The following CCDC88A variants were observed in gnomAD, a reference collection of about 807,000 sequenced individuals.
CCDC88A encodes the protein girdin.
A neutral mutation model predicts 234.3 loss-of-function variants in CCDC88A; 54 were observed. The observed-to-expected ratio is 0.23, with a 90% CI of 0.19 to 0.29. CCDC88A has a LOEUF of 0.29. Ranked by LOEUF, CCDC88A falls within the 10% of genes least tolerant of loss-of-function variation. The pLI is 1.00. For missense variants in CCDC88A, 1,832 were observed against 2,123.4 expected (o/e 0.86, Z 2.70); for synonymous variants, 753 against 737.8 (o/e 1.02, Z -0.33).
intron 5 of CCDC88A, among the ~76,000 whole-genome samples, chr2:55,367,566 G>A (rs1311192344): frequency 3.2e-5 from 3 of 93,748 alleles, no homozygotes; most frequent in African/African-American, 1.3e-4. Flanking sequence ...ACGTTACCAG[G>A]CTGGAACACA....
intron 2 of CCDC88A, among the ~76,000 whole-genome samples, chr2:55,414,308 A>T (rs1343941562): frequency 6.6e-6 from 1 of 152,238 alleles, no homozygotes; most frequent in Non-Finnish European, 1.5e-5. Context: ...GTAATATTCA[A>T]AACTGGCTCC....
chr2:55,345,687 G>A (rs975053661), intron 10 of CCDC88A: 6 of 152,772 alleles, frequency 3.9e-5, no homozygotes, highest in African/African-American at 1.2e-4. Flanking sequence ...GTGAGCCACT[G>A]TGCCCAGCCT....
intron 2 of CCDC88A, chr2:55,418,175 T>A (rs564050917): frequency 6.6e-6 from 1 of 152,382 alleles, no homozygotes; most frequent in South Asian, 2.1e-4. Flanking sequence ...CGTTATCTAA[T>A]TGTTATCAAG....
At chr2:55,359,742 T>C (rs1671048101) in intron 7 of CCDC88A, among the ~76,000 whole-genome samples, 1 of 151,864 alleles carries the variant, frequency 6.6e-6, no homozygotes, top group African/African-American at 2.4e-5. Flanking sequence ...CAATCTTTGG[T>C]TCTTTTTTGA....
intron 26 of CCDC88A, among the ~76,000 whole-genome samples, 181 bp from the exon 27 acceptor site, chr2:55,302,253 A>C (rs539611504): frequency 2.0e-5 from 3 of 152,346 alleles, no homozygotes; most frequent in Admixed American, 1.3e-4. Flanking sequence ...AGTAGGCCAA[A>C]GGCTGATAAA....
intron 2 of CCDC88A, among the ~76,000 whole-genome samples, chr2:55,391,494 G>C (rs1676635678): frequency 6.6e-6 from 1 of 152,088 alleles, no homozygotes. Context: ...AAAAGATCAT[G>C]GAAATAACAG....
chr2:55,374,851 C>T lies in CCDC88A; in HGVS notation c.306G>A (p.Leu102=). Residue 102 remains leucine (L), a synonymous_variant, in exon 4 of 33, where the codon TTG becomes TTA. Transcript: ENST00000436346. ...TTTTGCCAATGATTAAGACATTTGG[C>T]AACGACATCATGATCAATTGCTGCA... is the stretch of plus-strand genomic sequence containing the variant. ...ETLQQLIMMS[L]PNVLIIGKNP... is the part of the protein sequence containing the mutation. The T allele has an allele frequency of 1.2e-6, 2 of 1,608,452 alleles. No homozygotes were observed. Among genetic ancestry groups the T allele is most frequent in the East Asian group, 2.2e-5 (1 of 44,710 alleles).
intron 2 of CCDC88A, among the ~76,000 whole-genome samples, chr2:55,390,199 T>C (rs144060748): frequency 6.6e-6 from 1 of 152,126 alleles, no homozygotes; most frequent in Non-Finnish European, 1.5e-5. Context: ...ATCTCTTTAA[T>C]GCGTGGTTTA....
intron 2 of CCDC88A, among the ~76,000 whole-genome samples, chr2:55,402,476 A>C (rs367850352): frequency 5.3e-5 from 8 of 152,318 alleles, no homozygotes; most frequent in African/African-American, 7.2e-5. Flanking sequence ...TGATATTACC[A>C]AAATTCAGTA....
intron 12 of CCDC88A, 75 bp downstream of exon 12, chr2:55,343,573 A>C: frequency 5.1e-6 from 6 of 1,166,856 alleles, no homozygotes; most frequent in Non-Finnish European, 7.3e-6. Context: ...ACTGCGGAAA[A>C]TAAAGAACTG....
chr2:55,327,273 CTATT>C (rs1558674309), intron 17 of CCDC88A, among the ~76,000 whole-genome samples: 2 of 152,034 alleles, frequency 1.3e-5, no homozygotes, highest in Non-Finnish European at 2.9e-5. Context: ...AAAAAAATGA[CTATT>C]TAGGAGAACT....
At chr2:55,324,794 C>T (rs1026137078) in intron 17 of CCDC88A, among the ~76,000 whole-genome samples, 1 of 152,114 alleles carries the variant, frequency 6.6e-6, no homozygotes, top group Non-Finnish European at 1.5e-5. Flanking sequence ...TACAGGTGTG[C>T]GCCACCACGC....
At chr2:55,333,197 C>T (rs1052107616) in intron 15 of CCDC88A, among the ~76,000 whole-genome samples, 1 of 152,146 alleles carries the variant, frequency 6.6e-6, no homozygotes, top group Non-Finnish European at 1.5e-5. Context: ...AGGTCCCTCT[C>T]AATGCTTCTT....
intron 3 of CCDC88A, among the ~76,000 whole-genome samples, chr2:55,385,438 A>G (rs547080556): frequency 1.3e-5 from 2 of 152,362 alleles, no homozygotes; most frequent in African/African-American, 2.4e-5. Flanking sequence ...CTTAATAAAT[A>G]AAAGTTTAAT....
chr2:55,370,439 T>C (rs113546078), intron 5 of CCDC88A, among the ~76,000 whole-genome samples: 4,944 of 151,750 alleles, frequency 0.033, 260 homozygotes, highest in African/African-American at 0.1. Context: ...GTCAGGGTTT[T>C]GAGACTAGCC....
At position 55,346,289 on chromosome 2, in the gene CCDC88A, T is replaced by G. The variant is rs746967523; in HGVS notation, c.927A>C (p.Arg309=). 2.5e-6 allele frequency: 4 copies of G among 1,609,422 alleles called. No homozygotes were observed. The highest frequency in any genetic ancestry group is 3.4e-6 in the Non-Finnish European group (4 of 1,177,076). Residue 309 remains arginine, a synonymous_variant, in exon 10 of 33, where the codon CGA becomes CGC. Coordinates refer to ENST00000436346, the MANE Select transcript of CCDC88A (RefSeq NM_001365480.1). The stretch of plus-strand genomic sequence containing the variant: ...TCTCTCGAAGTGCATCTAATTCATC[T>G]CGGTACATTCTGGCAGAGCGAGCAT... ...LSDARSARMY[R]DELDALREKA...
At chr2:55,391,757 GA>G (rs371568124) in intron 2 of CCDC88A, among the ~76,000 whole-genome samples, 469 of 152,224 alleles carry the variant, frequency 3.1e-3, no homozygotes, top group African/African-American at 0.011. Flanking sequence ...TGAAATGAAT[GA>G]ACAGAGACTA....
chr2:55,384,620 C>CACATATACGTATGTATGT (rs745974119), intron 3 of CCDC88A, among the ~76,000 whole-genome samples: 2 of 43,446 alleles, frequency 4.6e-5, no homozygotes, highest in African/African-American at 2.9e-4. Flanking sequence ...TGTATATATA[C>CACATATACGTATGTATGT]GTATATATAT....
intron 2 of CCDC88A, among the ~76,000 whole-genome samples, chr2:55,407,059 T>A (rs1056175889): frequency 1.3e-5 from 2 of 151,544 alleles, no homozygotes; most frequent in African/African-American, 4.8e-5. Flanking sequence ...CAAAAAAAAA[T>A]TTTAATTAGC....
Sources: allele counts gnomAD v4.1 joint callset (sites outside exome capture counted in the v4.1 genomes callset), GRCh38; gene constraint gnomAD v4.1.1; transcripts MANE v1.5; gene names NCBI Gene and HGNC (gene_info 2026-07-23, HGNC 2026-07-21).